Variants in TSPAN10 observed in about 807,000 individuals in gnomAD.
The protein encoded by TSPAN10 is tetraspanin-10.
Under a neutral mutation model 15.0 loss-of-function variants are expected in TSPAN10, and 11 were observed. That is an observed-to-expected ratio of 0.73 (90% CI 0.46 to 1.21). The LOEUF is 1.21. Among genes scored for constraint, TSPAN10 ranks in the 50% most tolerant of loss-of-function variants. TSPAN10 has a pLI of 0.00. For missense variants in TSPAN10, 486 were observed against 470.6 expected (o/e 1.03, Z -0.30); for synonymous variants, 241 against 226.2 (o/e 1.07, Z -0.59).
intron 2 of TSPAN10, 154 bp downstream of exon 3, chr17:81,645,783 A>G: frequency 1.0e-6 from 1 of 983,786 alleles, no homozygotes; most frequent in Admixed American, 2.2e-5. Flanking sequence ...GCATATCCAC[A>G]CTGGCACGTC....
At chr17:81,639,020 A>G (rs2036150720), upstream of TSPAN10, 1 of 152,106 alleles carries the variant, frequency 6.6e-6, no homozygotes, top group Admixed American at 6.6e-5. Flanking sequence ...GCTAAACTAT[A>G]AACTAAGCGC....
At chr17:81,644,962 G>A (rs770332160) in intron 1 of TSPAN10, 30 bp from the exon 3 acceptor site, 45 of 1,606,068 alleles carry the variant, frequency 2.8e-5, no homozygotes, top group Admixed American at 6.7e-5. Context: ...GGGTGAATGC[G>A]GTCTCACCCT....
At chr17:81,642,806 A>G (rs2036191817) in intron 1 of TSPAN10, among the ~76,000 whole-genome samples, 1 of 152,106 alleles carries the variant, frequency 6.6e-6, no homozygotes, top group Non-Finnish European at 1.5e-5. Context: ...AGGCACTGAC[A>G]GCCTGTCCTT....
upstream of TSPAN10, chr17:81,637,718 G>C (rs1407680897): frequency 4.5e-6 from 1 of 220,204 alleles, no homozygotes; most frequent in Non-Finnish European, 9.2e-6. Context: ...TGGATCACCT[G>C]AGGTCAGGAG....
At chr17:81,640,563 C>G (rs1408700516), upstream of TSPAN10, among the ~76,000 whole-genome samples, 1 of 152,168 alleles carries the variant, frequency 6.6e-6, no homozygotes, top group Non-Finnish European at 1.5e-5. Context: ...ATTCCCCTGC[C>G]TCAGCCTCCC....
At chr17:81,639,205 C>CTTTTTTT (rs1184054370), upstream of TSPAN10, 10 of 110,442 alleles carry the variant, frequency 9.1e-5, no homozygotes, top group Non-Finnish European at 1.7e-4. Context: ...AATTACTTTT[C>CTTTTTTT]TTTTTTTTTT....
chr17:81,642,660 C>T (rs2036190054), intron 1 of TSPAN10, among the ~76,000 whole-genome samples: 1 of 152,196 alleles, frequency 6.6e-6, no homozygotes, highest in Non-Finnish European at 1.5e-5. Flanking sequence ...GGCCTCTGGT[C>T]AAGGGATCTG....
upstream of TSPAN10, among the ~76,000 whole-genome samples, chr17:81,641,289 G>A (rs563008211): frequency 6.6e-6 from 1 of 152,246 alleles, no homozygotes; most frequent in South Asian, 2.1e-4. Context: ...TCACCTTTGG[G>A]GAGGTGAAGG....
chr17:81,645,135 C>G, exon 2 of TSPAN10: 1 of 1,573,294 alleles, frequency 6.4e-7, no homozygotes, highest in Non-Finnish European at 8.6e-7. Context: ...TGAGTGGCAC[C>G]CCCAAGAAAG....
chr17:81,645,710 C>A, intron 2 of TSPAN10, 81 bp downstream of exon 3: 1 of 1,536,522 alleles, frequency 6.5e-7, no homozygotes. Flanking sequence ...CACACAGTCA[C>A]TCACACGTAC....
In TSPAN10 at chr17:81,644,989, C is replaced by T. The variant is rs760380399; in HGVS notation, c.37-3C>T. Reference sequence around the variant, plus strand: ...TCTCACCCTGTTCCTCTTCCCTCTGCAGGAAACTGCAGGCCAGAAGCCCCT... The same window carrying T: ...TCTCACCCTGTTCCTCTTCCCTCTGTAGGAAACTGCAGGCCAGAAGCCCCT... On this transcript the variant is annotated splice_region_variant and splice_polypyrimidine_tract_variant and intron_variant, in intron 1 of 2. Coordinates refer to ENST00000611590, the Ensembl canonical transcript of TSPAN10. 6.2e-6 allele frequency: 10 copies of T among 1,610,218 alleles called. No individual in the cohort carries two copies. In the African/African-American group the frequency reaches 1.1e-4, roughly 17 times the overall value.
Position 81,645,466 on chromosome 17 carries a change from GT to G in TSPAN10, c.512del (p.Val171GlyfsTer40). On this transcript the variant is annotated frameshift_variant, in exon 2 of 3. Transcript: ENST00000611590. LOFTEE classifies it high-confidence loss of function. ...GCTTGAGGCCGTGGCGGGGGCCCTG[GT>G]GGTGGCCCTCTGGGGCCCGCTGCAA... 1 of 1,586,310 alleles carries G rather than the reference GT, an allele frequency of 6.3e-7. No individual in the cohort carries two copies. The highest frequency in any genetic ancestry group is 1.1e-5 in the South Asian group (1 of 88,212).
upstream of TSPAN10, chr17:81,637,629 T>C (rs2036122441): frequency 2.1e-6 from 1 of 479,218 alleles, no homozygotes. Context: ...TGAAACCCCG[T>C]CTCTACTCAA....
downstream of TSPAN10, chr17:81,648,385 G>A: frequency 8.9e-7 from 1 of 1,119,864 alleles, no homozygotes; most frequent in African/African-American, 1.6e-5. Flanking sequence ...CGCCGCCGCC[G>A]CCTGATTTCG....
chr17:81,645,835 A>C, intron 2 of TSPAN10: 1 of 659,128 alleles, frequency 1.5e-6, no homozygotes, highest in South Asian at 1.8e-5. Context: ...ACACCTACAC[A>C]CTCCTCTACA....
At chr17:81,648,028 G>A in exon 3 of TSPAN10, 1 of 1,604,552 alleles carries the variant, frequency 6.2e-7, no homozygotes, top group Non-Finnish European at 8.5e-7. Flanking sequence ...CCTGGATGCG[G>A]ACGCAGCTCA....
chr17:81,646,684 AAAAAAAAG>A (rs2036258470), intron 2 of TSPAN10: 1 of 151,212 alleles, frequency 6.6e-6, no homozygotes, highest in South Asian at 2.1e-4. Flanking sequence ...TGTCTCAAAA[AAAAAAAAG>A]AAAAGAAAAT....
intron 2 of TSPAN10, 34 bp downstream of exon 3, chr17:81,645,663 C>T (rs1483743604): frequency 1.2e-6 from 2 of 1,606,850 alleles, no homozygotes; most frequent in Non-Finnish European, 8.5e-7. Context: ...ACAGGGCCAC[C>T]ACAGGGTCGC....
At chr17:81,644,553 A>G (rs2036217138) in intron 1 of TSPAN10, among the ~76,000 whole-genome samples, 1 of 152,272 alleles carries the variant, frequency 6.6e-6, no homozygotes, top group African/African-American at 2.4e-5. Flanking sequence ...GCACACACAG[A>G]CTGATCCACG....
Sources: allele counts gnomAD v4.1 joint callset (sites outside exome capture counted in the v4.1 genomes callset), GRCh38; gene constraint gnomAD v4.1.1; transcripts MANE v1.5; gene names NCBI Gene and HGNC (gene_info 2026-07-23, HGNC 2026-07-21).